The following RSF1 variants were observed in gnomAD, a reference collection of about 807,000 sequenced individuals.
The protein encoded by RSF1 is remodeling and spacing factor 1.
Under a neutral mutation model 145.2 loss-of-function variants are expected in RSF1, and 13 were observed. That is an observed-to-expected ratio of 0.09 (90% CI 0.06 to 0.14). The LOEUF is 0.14. Ranked by LOEUF, RSF1 falls within the 10% of genes least tolerant of loss-of-function variation. The probability of loss-of-function intolerance (pLI) is 1.00; values close to 1 mark genes in which losing one functional copy is unlikely to be tolerated. For missense variants in RSF1, 1,517 were observed against 1,718.2 expected (o/e 0.88, Z 2.07); for synonymous variants, 577 against 592.6 (o/e 0.97, Z 0.38).
At chr11:77,783,735 A>G (rs1429104853) in intron 1 of RSF1, among the ~76,000 whole-genome samples, 4 of 152,060 alleles carry the variant, frequency 2.6e-5, no homozygotes, top group Non-Finnish European at 5.9e-5. Flanking sequence ...CCAGCTACTC[A>G]GGAGGCTGAA....
chr11:77,712,221 C>A (rs548116425), intron 5 of RSF1, among the ~76,000 whole-genome samples: 2 of 152,130 alleles, frequency 1.3e-5, no homozygotes, highest in Admixed American at 6.5e-5. Context: ...ATACTGTTCT[C>A]GTGTAGTGAA....
At chr11:77,827,040 G>A in the RSF1 span, among the ~76,000 whole-genome samples, 1 of 152,148 alleles carries the variant, frequency 6.6e-6, no homozygotes, top group South Asian at 2.1e-4. Flanking sequence ...AGGAGGCAGA[G>A]GTTGCAGTGA....
At chr11:77,790,127 TAA>T (rs1310752343) in intron 1 of RSF1, among the ~76,000 whole-genome samples, 1 of 152,198 alleles carries the variant, frequency 6.6e-6, no homozygotes, top group East Asian at 1.9e-4. Context: ...ACACTGCTGA[TAA>T]AGACATACCT....
At chr11:77,670,059 G>A (rs758145475) in intron 15 of RSF1, among the ~76,000 whole-genome samples, 3 of 152,254 alleles carry the variant, frequency 2.0e-5, no homozygotes, top group Non-Finnish European at 2.9e-5. Context: ...ACAGCAGATT[G>A]AGGCTATGGT....
chr11:77,726,946 A>G (rs1961068165), intron 4 of RSF1, among the ~76,000 whole-genome samples: 2 of 152,226 alleles, frequency 1.3e-5, no homozygotes, highest in South Asian at 4.1e-4. Flanking sequence ...TCTCTTGAGT[A>G]TTACTAAATT....
chr11:77,766,606 G>A (rs1346307348), intron 1 of RSF1, among the ~76,000 whole-genome samples: 1 of 152,028 alleles, frequency 6.6e-6, no homozygotes, highest in Admixed American at 6.6e-5. Context: ...GAAAAGGAGG[G>A]AAAGGGCATT....
chr11:77,847,794 A>G, the RSF1 span, among the ~76,000 whole-genome samples: 2 of 152,190 alleles, frequency 1.3e-5, no homozygotes, highest in Non-Finnish European at 2.9e-5. Flanking sequence ...AACTAGTAGG[A>G]GATACATATA....
chr11:77,787,220 C>T (rs1413280604), intron 1 of RSF1, among the ~76,000 whole-genome samples: 2 of 152,112 alleles, frequency 1.3e-5, no homozygotes, highest in African/African-American at 4.8e-5. Flanking sequence ...ACAAGGCCTG[C>T]CCCCCAACAG....
At chr11:77,844,838 A>G in the RSF1 span, among the ~76,000 whole-genome samples, 6 of 152,186 alleles carry the variant, frequency 3.9e-5, no homozygotes, top group African/African-American at 1.4e-4. Context: ...TGATGTAATG[A>G]TGGAAGTAGA....
intron 1 of RSF1, among the ~76,000 whole-genome samples, chr11:77,798,902 G>A (rs1265993978): frequency 6.7e-6 from 1 of 150,078 alleles, no homozygotes; most frequent in Admixed American, 6.7e-5. Context: ...TTGATGGCAC[G>A]TGTATACCTA....
rs1462141897 is a variant in RSF1 at position 77,667,106 on chromosome 11, G to A, written c.4137C>T (p.Ala1379=). 1.9e-6 allele frequency: 3 copies of A among 1,614,166 alleles called. No individual in the cohort carries two copies. Among genetic ancestry groups the A allele is most frequent in the Admixed American group, 1.7e-5 (1 of 60,022 alleles). ...PSTNGQSPGK[A]IENLIGKPTE... ...TAGGCTTGCCAATCAAGTTCTCAAT[G>A]GCTTTGCCAGGGCTCTGTCCATTGG... The change falls in exon 16 of 16, where the codon GCC becomes GCT. Residue 1379 remains alanine (A), a synonymous_variant. Transcript: ENST00000308488.
chr11:77,859,781 T>G, the RSF1 span, among the ~76,000 whole-genome samples: 1 of 152,364 alleles, frequency 6.6e-6, no homozygotes, highest in East Asian at 1.9e-4. Context: ...ATGTTCTATC[T>G]TTTCTTCATT....
intron 7 of RSF1, among the ~76,000 whole-genome samples, chr11:77,695,572 A>T (rs1054305730): frequency 6.6e-6 from 1 of 151,880 alleles, no homozygotes; most frequent in East Asian, 1.9e-4. Context: ...TGTCCTTAGG[A>T]CTTGCCTGCA....
chr11:77,667,144 C>A lies in RSF1; in HGVS notation c.4099G>T (p.Asp1367Tyr), dbSNP rs750916857. Reference protein sequence around the residue: ...VGSPLDYSLVDLPSTNGQSPG... With the variant: ...VGSPLDYSLVYLPSTNGQSPG... ...CTCTGTCCATTGGTTGAAGGTAAGT[C>A]CACTAAGCTATAGTCCAATGGGCTC... The change falls in exon 16 of 16, where the codon GAC (aspartate) becomes TAC (tyrosine). Residue 1367 changes from aspartate (D) to tyrosine (Y), a missense_variant. Physicochemically the swap from Asp to Tyr is radical, Grantham distance 160. This residue lies in a region of RSF1 where 240 missense variants were observed against 231.8 expected (regional missense o/e 1.04). Coordinates refer to ENST00000308488, the MANE Select transcript of RSF1 (RefSeq NM_016578.4). 1 of 1,614,178 alleles carries A rather than the reference C, an allele frequency of 6.2e-7. No homozygotes were observed. Among genetic ancestry groups the A allele is most frequent in the Non-Finnish European group, 8.5e-7 (1 of 1,180,042 alleles).
chr11:77,669,402 TTCC>T (rs752328995), intron 15 of RSF1, among the ~76,000 whole-genome samples: 43 of 152,234 alleles, frequency 2.8e-4, no homozygotes, highest in Non-Finnish European at 1.6e-4. Context: ...TGCTTTCCTC[TTCC>T]TCCTCATCTG....
At chr11:77,795,244 A>T (rs1394518092) in intron 1 of RSF1, among the ~76,000 whole-genome samples, 1 of 152,242 alleles carries the variant, frequency 6.6e-6, no homozygotes, top group Non-Finnish European at 1.5e-5. Flanking sequence ...GATTAAAAGA[A>T]TATCAATAAA....
rs1959382582 is a variant in RSF1, at chr11:77,667,112, G to A, written c.4131C>T (p.Gly1377=). ...DLPSTNGQSP[G]KAIENLIGKP... is the part of the protein sequence containing the mutation. ...TGCCAATCAAGTTCTCAATGGCTTT[G>A]CCAGGGCTCTGTCCATTGGTTGAAG... Residue 1377 remains glycine (G), a synonymous_variant, in exon 16 of 16, where the codon GGC becomes GGT. Coordinates refer to ENST00000308488, the MANE Select transcript of RSF1 (RefSeq NM_016578.4). 3 of 1,614,164 alleles carry A rather than the reference G, an allele frequency of 1.9e-6. No homozygotes were observed. The highest frequency in any genetic ancestry group is 2.5e-6 in the Non-Finnish European group (3 of 1,180,038).
chr11:77,821,662 G>C (rs66622455), upstream of RSF1, among the ~76,000 whole-genome samples: 26,799 of 151,738 alleles, frequency 0.18, 2,958 homozygotes, highest in African/African-American at 0.29. Flanking sequence ...ATTGAGAGGC[G>C]GAACATGACA....
At chr11:77,797,184 A>G (rs1030001154) in intron 1 of RSF1, among the ~76,000 whole-genome samples, 1 of 152,224 alleles carries the variant, frequency 6.6e-6, no homozygotes, top group African/African-American at 2.4e-5. Context: ...TGGAACCAAA[A>G]AAGAGCCTGC....
Sources: gnomAD v4.1 joint callset for allele counts (sites outside exome capture counted in the v4.1 genomes callset) on GRCh38, gnomAD v4.1.1 for gene constraint, gnomAD v4.1.1 regional missense constraint, MANE v1.5 for transcripts, NCBI Gene and HGNC (gene_info 2026-07-23, HGNC 2026-07-21) for gene names.